The following CSMD1 variants were observed in gnomAD, a reference collection of about 807,000 sequenced individuals.
The protein encoded by CSMD1 is CUB and sushi domain-containing protein 1.
Under a neutral mutation model 417.5 loss-of-function variants are expected in CSMD1, and 213 were observed. The ratio of observed to expected loss-of-function variants is 0.51; its 90% CI spans 0.46 to 0.57. The LOEUF is 0.57. CSMD1 is among the 20% of genes least tolerant of loss of function. CSMD1 has a pLI of 0.00. For synonymous variants in CSMD1, 2,862 were observed against 1,736.8 expected (o/e 1.65, Z -16.11); for missense variants, 6,923 against 4,529.7 (o/e 1.53, Z -15.17).
At chr8:3,939,712 T>C (rs1810748773) in intron 5 of CSMD1, among the ~76,000 whole-genome samples, 1 of 152,242 alleles carries the variant, frequency 6.6e-6, no homozygotes, top group South Asian at 2.1e-4. Context: ...ACAGTGCCTT[T>C]TGCAGCAACT....
intron 3 of CSMD1, among the ~76,000 whole-genome samples, chr8:4,106,879 G>A (rs924907462): frequency 6.6e-6 from 1 of 152,114 alleles, no homozygotes. Flanking sequence ...TTCAACTCAA[G>A]TCATCGTTAA....
At chr8:3,696,340 A>C (rs535798339) in intron 7 of CSMD1, among the ~76,000 whole-genome samples, 1 of 152,230 alleles carries the variant, frequency 6.6e-6, no homozygotes, top group East Asian at 1.9e-4. Context: ...CTAATTACCC[A>C]ATGTGTTCAC....
At chr8:2,949,460 T>A (rs1417114954) in intron 67 of CSMD1, 74 bp from the exon 68 acceptor site, 11 of 721,332 alleles carry the variant, frequency 1.5e-5, no homozygotes, top group Non-Finnish European at 2.5e-5. Context: ...TTTTAATATA[T>A]CTTTTAATAC....
chr8:3,757,771 C>A (rs754409318), intron 5 of CSMD1, among the ~76,000 whole-genome samples: 1 of 151,788 alleles, frequency 6.6e-6, no homozygotes, highest in African/African-American at 2.4e-5. Context: ...ATTGCTTGAA[C>A]CTGGGAGGCA....
At chr8:4,930,556 CT>C (rs1453816324) in intron 1 of CSMD1, among the ~76,000 whole-genome samples, 1 of 152,164 alleles carries the variant, frequency 6.6e-6, no homozygotes, top group Non-Finnish European at 1.5e-5. Flanking sequence ...AGCATATATT[CT>C]TTCTAGTTTA....
chr8:2,955,515 C>T, intron 64 of CSMD1, 74 bp downstream of exon 64: 6 of 1,471,568 alleles, frequency 4.1e-6, no homozygotes, highest in Admixed American at 1.8e-5. Flanking sequence ...CACACGTGGA[C>T]ACTAGCCTGA....
At chr8:4,092,098 T>C (rs967030816) in intron 3 of CSMD1, among the ~76,000 whole-genome samples, 1 of 152,218 alleles carries the variant, frequency 6.6e-6, no homozygotes, top group African/African-American at 2.4e-5. Flanking sequence ...GACGTAATTC[T>C]GATTATTCTT....
At position 3,369,305 on chromosome 8, in the gene CSMD1, A is replaced by G; in HGVS notation, c.2848T>C (p.Tyr950His). The change falls in exon 19 of 70, where the codon TAT becomes CAT. Residue 950 changes from tyrosine to histidine, a missense_variant. Physicochemically the swap from Tyr to His is moderately conservative, Grantham distance 83 (BLOSUM62 2). Transcript: ENST00000635120. ...CACGTGCAGTTTAGAGAGTTTGGAT[A>G]AAAATCTGGAAACCCAGGAGAAAGG... is the stretch of plus-strand genomic sequence containing the variant. ...TVLSPGFPDF[Y>H]PNSLNCTWTI... 6.2e-7 allele frequency: 1 copy of G among 1,608,244 alleles called. No homozygotes were observed. The highest frequency in any genetic ancestry group is 8.5e-7 in the Non-Finnish European group (1 of 1,175,090).
intron 26 of CSMD1, among the ~76,000 whole-genome samples, chr8:3,258,678 C>T (rs1800834721): frequency 6.6e-6 from 1 of 152,128 alleles, no homozygotes; most frequent in African/African-American, 2.4e-5. Flanking sequence ...ACAGCAAAGC[C>T]ATGGAAGCAA....
At chr8:4,572,664 G>T (rs1169958781) in intron 2 of CSMD1, among the ~76,000 whole-genome samples, 3 of 152,190 alleles carry the variant, frequency 2.0e-5, no homozygotes, top group African/African-American at 7.2e-5. Context: ...ATGTTGGCCT[G>T]TCTTGCTAGA....
chr8:3,476,845 G>T (rs901462926), intron 11 of CSMD1, among the ~76,000 whole-genome samples: 2 of 150,214 alleles, frequency 1.3e-5, no homozygotes, highest in African/African-American at 2.4e-5. Flanking sequence ...TTGAACCTGG[G>T]AAGCAGAGGT....
intron 3 of CSMD1, among the ~76,000 whole-genome samples, chr8:4,084,947 G>A (rs573336715): frequency 3.9e-5 from 6 of 152,142 alleles, no homozygotes; most frequent in East Asian, 1.9e-4. Context: ...ATTTGGGAAA[G>A]CACCTGCAGA....
intron 8 of CSMD1, among the ~76,000 whole-genome samples, chr8:3,604,804 A>G (rs917702143): frequency 6.6e-6 from 1 of 152,148 alleles, no homozygotes; most frequent in African/African-American, 2.4e-5. Flanking sequence ...CAAGGGCATC[A>G]ACGTGATAGC....
At chr8:3,042,562 G>C (rs977073310) in intron 50 of CSMD1, among the ~76,000 whole-genome samples, 7 of 152,100 alleles carry the variant, frequency 4.6e-5, no homozygotes, top group Admixed American at 1.3e-4. Flanking sequence ...GGCACTTTAC[G>C]CTAGTTCCAC....
chr8:4,020,999 A>T (rs1057099809), intron 4 of CSMD1, among the ~76,000 whole-genome samples: 3 of 152,194 alleles, frequency 2.0e-5, no homozygotes, highest in Admixed American at 1.3e-4. Flanking sequence ...TTTATGATTA[A>T]ACTGCATCTA....
chr8:4,289,548 G>A (rs894918073), intron 3 of CSMD1, among the ~76,000 whole-genome samples: 6 of 152,142 alleles, frequency 3.9e-5, no homozygotes, highest in Non-Finnish European at 1.5e-5. Context: ...GATCTGACAC[G>A]TGTCTCCCAC....
chr8:4,172,945 T>A (rs1797847879), intron 3 of CSMD1, among the ~76,000 whole-genome samples: 6 of 152,082 alleles, frequency 3.9e-5, no homozygotes, highest in Admixed American at 2.6e-4. Flanking sequence ...CAGAAAAACC[T>A]CGAGGGCTGA....
intron 25 of CSMD1, among the ~76,000 whole-genome samples, chr8:3,288,618 T>G (rs566368697): frequency 6.8e-6 from 1 of 147,422 alleles, no homozygotes; most frequent in South Asian, 2.1e-4. Flanking sequence ...TGATGGTAGT[T>G]TGTATTTCTG....
intron 5 of CSMD1, among the ~76,000 whole-genome samples, chr8:3,806,697 CT>C: frequency 6.6e-6 from 1 of 152,168 alleles, no homozygotes; most frequent in African/African-American, 2.4e-5. Flanking sequence ...TCAAAACAAT[CT>C]AATGAGAGGT....
Sources: allele counts gnomAD v4.1 joint callset (sites outside exome capture counted in the v4.1 genomes callset), GRCh38; gene constraint gnomAD v4.1.1; transcripts MANE v1.5; gene names NCBI Gene and HGNC (gene_info 2026-07-23, HGNC 2026-07-21).